KCNMA1: variants seen among roughly 807,000 people sequenced by gnomAD.
The protein encoded by KCNMA1 is potassium calcium-activated channel subfamily M alpha 1.
Under a neutral mutation model 140.0 loss-of-function variants are expected in KCNMA1, and 29 were observed. That is an observed-to-expected ratio of 0.21 (90% CI 0.15 to 0.28). KCNMA1 has a LOEUF of 0.28. KCNMA1 is among the 10% of genes least tolerant of loss of function. The pLI, the probability that KCNMA1 is intolerant of heterozygous loss-of-function variation, is 1.00. For synonymous variants in KCNMA1, 612 were observed against 611.9 expected (o/e 1.00, Z 0.00); for missense variants, 880 against 1,602.2 (o/e 0.55, Z 7.70).
At chr10:77,146,557 C>A (rs1373127397) in intron 5 of KCNMA1, among the ~76,000 whole-genome samples, 1 of 151,874 alleles carries the variant, frequency 6.6e-6, no homozygotes, top group Non-Finnish European at 1.5e-5. Context: ...CAAAAATTAG[C>A]CAGGCGTGGT....
intron 20 of KCNMA1, among the ~76,000 whole-genome samples, chr10:76,957,222 G>A (rs917652555): frequency 2.0e-5 from 3 of 150,390 alleles, no homozygotes; most frequent in Non-Finnish European, 4.4e-5. Context: ...TCCACTAATA[G>A]CCAGTAGGAC....
downstream of KCNMA1, chr10:76,884,572 A>G (rs906421657): frequency 6.2e-6 from 1 of 161,396 alleles, no homozygotes; most frequent in Non-Finnish European, 1.3e-5. Context: ...ATGCTTTCGG[A>G]CTTGGAGCAA....
In KCNMA1 at chr10:76,886,285, T is replaced by C. The variant is rs1447217487; in HGVS notation, c.*981A>G. 1 of 985,262 alleles carries C rather than the reference T, an allele frequency of 1.0e-6. No individual in the cohort carries two copies. Among genetic ancestry groups the C allele is most frequent in the African/African-American group, 1.7e-5 (1 of 57,240 alleles). 61.0% of individuals were successfully genotyped at this position (985,262 alleles called of 1,614,324 possible). A position where few individuals can be genotyped will look rare whatever the true frequency, so the allele number is the denominator to read the frequency against. On this transcript the variant is annotated 3_prime_UTR_variant, in exon 28 of 28. Transcript: ENST00000286628. ...CCCCTGAGAATGCATGGAAAAATAC[T>C]TGCTCTTTCCTGAGCATTATTTATT... is the stretch of plus-strand genomic sequence containing the variant.
chr10:77,264,282 G>A (rs1020801539), intron 2 of KCNMA1, among the ~76,000 whole-genome samples: 3 of 152,100 alleles, frequency 2.0e-5, no homozygotes, highest in Non-Finnish European at 4.4e-5. Flanking sequence ...TAGAGCTCTG[G>A]CTCACTGGAG....
chr10:76,920,020 G>GTGTATATATATATATATA (rs1177257916), intron 23 of KCNMA1, among the ~76,000 whole-genome samples: 1 of 34,430 alleles, frequency 2.9e-5, no homozygotes, highest in Non-Finnish European at 5.4e-5. Flanking sequence ...GTGTGTGTGT[G>GTGTATATATATATATATA]TATATATATA....
intron 18 of KCNMA1, 97 bp downstream of exon 18, chr10:77,011,870 C>T (rs535236106): frequency 4.6e-5 from 48 of 1,040,680 alleles, no homozygotes; most frequent in Admixed American, 3.1e-4. Flanking sequence ...AGAAAACTCT[C>T]GATGTTTAGT....
rs182979411 is a variant in KCNMA1 at position 77,257,357 on chromosome 10, G to A, written c.541-6101C>T. On this transcript the variant is annotated intron_variant, in intron 2 of 27. Coordinates refer to ENST00000286628, the MANE Select transcript of KCNMA1 (RefSeq NM_001161352.2). ...CCTGGCCTTTGCCCTCAGGGAGCAT[G>A]GGATCTAGAAGTTTAAATTACTCAA... 1.2e-4 allele frequency among the ~76,000 whole-genome samples: 18 copies of A among 152,260 alleles called. No individual in the cohort carries two copies. In the East Asian group the frequency reaches 3.5e-3, roughly 29 times the overall value.
intron 19 of KCNMA1, among the ~76,000 whole-genome samples, chr10:76,989,235 A>C (rs1364363286): frequency 6.6e-6 from 1 of 152,158 alleles, no homozygotes; most frequent in Non-Finnish European, 1.5e-5. Flanking sequence ...GCTGACAATA[A>C]AGTAGAAACC....
intron 14 of KCNMA1, among the ~76,000 whole-genome samples, chr10:77,047,857 T>C (rs942511711): frequency 1.3e-5 from 2 of 152,170 alleles, no homozygotes; most frequent in African/African-American, 2.4e-5. Flanking sequence ...CAGTCAGACG[T>C]CTGCCAAACC....
intron 2 of KCNMA1, among the ~76,000 whole-genome samples, chr10:77,326,736 C>A (rs2084360001): frequency 6.6e-6 from 1 of 152,152 alleles, no homozygotes; most frequent in Admixed American, 6.5e-5. Flanking sequence ...TGGTATTAAT[C>A]ACGTTACCAG....
At chr10:77,241,266 G>A (rs1036635504) in intron 3 of KCNMA1, among the ~76,000 whole-genome samples, 2 of 152,156 alleles carry the variant, frequency 1.3e-5, no homozygotes, top group Non-Finnish European at 2.9e-5. Context: ...TGAGGCCACT[G>A]TACTTATGGG....
intron 3 of KCNMA1, among the ~76,000 whole-genome samples, chr10:77,241,051 A>C (rs1006804359): frequency 2.0e-5 from 3 of 152,160 alleles, no homozygotes; most frequent in African/African-American, 7.2e-5. Flanking sequence ...CTATTTCCCA[A>C]AGCCAAGTTA....
At chr10:77,154,634 A>G (rs1453334011) in intron 5 of KCNMA1, among the ~76,000 whole-genome samples, 2 of 152,166 alleles carry the variant, frequency 1.3e-5, no homozygotes, top group African/African-American at 4.8e-5. Context: ...GTCCATCTGT[A>G]TCTATATAGA....
intron 1 of KCNMA1, among the ~76,000 whole-genome samples, chr10:77,415,164 C>T (rs2096712574): frequency 6.6e-6 from 1 of 152,212 alleles, no homozygotes; most frequent in African/African-American, 2.4e-5. Flanking sequence ...TAGATATGTT[C>T]TCAAATGGCC....
intron 1 of KCNMA1, among the ~76,000 whole-genome samples, chr10:77,466,976 G>A (rs2098034626): frequency 6.6e-6 from 1 of 152,054 alleles, no homozygotes; most frequent in Admixed American, 6.6e-5. Flanking sequence ...AGGAAAAAAA[G>A]AAAAAGTAGA....
intron 1 of KCNMA1, among the ~76,000 whole-genome samples, chr10:77,540,188 C>T (rs180917587): frequency 6.6e-6 from 1 of 152,276 alleles, no homozygotes; most frequent in African/African-American, 2.4e-5. Context: ...CACACTCAGT[C>T]CCCAAAAGCT....
chr10:77,035,801 G>T (rs2094286444), intron 15 of KCNMA1, among the ~76,000 whole-genome samples: 1 of 152,148 alleles, frequency 6.6e-6, no homozygotes, highest in African/African-American at 2.4e-5. Flanking sequence ...GGAGAGGAGG[G>T]AGAGGGGAAA....
intron 3 of KCNMA1, among the ~76,000 whole-genome samples, chr10:77,221,633 C>A (rs2049706698): frequency 6.6e-6 from 1 of 152,166 alleles, no homozygotes. Flanking sequence ...TGTATCAAAA[C>A]AGGTCATGTA....
chr10:77,376,267 A>C (rs1328092334), intron 2 of KCNMA1, among the ~76,000 whole-genome samples: 1 of 152,126 alleles, frequency 6.6e-6, no homozygotes, highest in Non-Finnish European at 1.5e-5. Context: ...GGGAAATTTT[A>C]AGTTGAGGTT....
Sources: gnomAD v4.1 joint callset for allele counts (sites outside exome capture counted in the v4.1 genomes callset) on GRCh38, gnomAD v4.1.1 for gene constraint, MANE v1.5 for transcripts, NCBI Gene and HGNC (gene_info 2026-07-23, HGNC 2026-07-21) for gene names.